Variants in SLC25A51 observed in about 807,000 individuals in gnomAD.
SLC25A51 encodes solute carrier family 25 member 51.
In SLC25A51, 11 loss-of-function variants were observed where a neutral mutation model predicts 19.1. The ratio of observed to expected loss-of-function variants is 0.58; its 90% CI spans 0.36 to 0.96. The LOEUF (loss-of-function observed/expected upper bound fraction) is 0.96. SLC25A51 is among the 40% of genes least tolerant of loss of function. The probability of loss-of-function intolerance (pLI) is 0.01; values close to 1 mark genes in which losing one functional copy is unlikely to be tolerated. For missense variants in SLC25A51, 201 were observed against 365.4 expected (o/e 0.55, Z 3.67); for synonymous variants, 105 against 133.6 (o/e 0.79, Z 1.47).
chr9:37,885,631 A>G, downstream of SLC25A51: 2 of 818,552 alleles, frequency 2.4e-6, no homozygotes, highest in Non-Finnish European at 4.3e-6. Context: ...ACGGCGCCCA[A>G]CGTGGGCCTC....
chr9:37,886,255 C>A (rs1831454865), downstream of SLC25A51: 1 of 1,611,792 alleles, frequency 6.2e-7, no homozygotes, highest in Non-Finnish European at 8.5e-7. Context: ...AGAATGTGAT[C>A]CGAGAATTTA....
intron 2 of SLC25A51, among the ~76,000 whole-genome samples, chr9:37,891,277 G>A (rs942762972): frequency 6.6e-6 from 1 of 152,232 alleles, no homozygotes; most frequent in African/African-American, 2.4e-5. Context: ...CGTCCGGGAG[G>A]TGGGAGGCGC....
downstream of SLC25A51, chr9:37,886,489 GC>G: frequency 1.5e-6 from 2 of 1,321,728 alleles, no homozygotes; most frequent in Non-Finnish European, 1.0e-6. Context: ...TTTCCCTTTG[GC>G]TGTGACTGGG....
At chr9:37,886,164 T>C (rs1384894882), downstream of SLC25A51, 4 of 1,456,110 alleles carry the variant, frequency 2.7e-6, no homozygotes, top group Non-Finnish European at 3.9e-6. Flanking sequence ...ACCCTGATCC[T>C]GTTCCAAGGT....
intron 1 of SLC25A51, among the ~76,000 whole-genome samples, chr9:37,902,182 C>T (rs989863711): frequency 5.3e-5 from 8 of 152,152 alleles, no homozygotes; most frequent in Non-Finnish European, 8.8e-5. Context: ...ACTTGAACAA[C>T]AATAAAAATT....
downstream of SLC25A51, among the ~76,000 whole-genome samples, chr9:37,877,836 T>C (rs554317599): frequency 2.0e-5 from 3 of 152,218 alleles, no homozygotes; most frequent in South Asian, 6.2e-4. Context: ...GGTGAAACCC[T>C]GTCTCTACAA....
At chr9:37,882,290 T>A (rs1427092526) in intron 2 of SLC25A51, among the ~76,000 whole-genome samples, 1 of 152,116 alleles carries the variant, frequency 6.6e-6, no homozygotes, top group Non-Finnish European at 1.5e-5. Context: ...TATGACTGCA[T>A]ACGCCTCACT....
intron 1 of SLC25A51, among the ~76,000 whole-genome samples, chr9:37,900,184 C>T (rs139190413): frequency 0.022 from 3,261 of 150,994 alleles, 66 homozygotes; most frequent in East Asian, 0.077. Flanking sequence ...TGGTGGCTCA[C>T]GCCTGTAATC....
chr9:37,878,250 C>A, downstream of SLC25A51: 1 of 172,616 alleles, frequency 5.8e-6, no homozygotes, highest in South Asian at 1.6e-4. Context: ...CAGTCAGAAT[C>A]ACCTGGAAGG....
chr9:37,895,970 T>C (rs1348334364), intron 2 of SLC25A51, among the ~76,000 whole-genome samples: 1 of 152,090 alleles, frequency 6.6e-6, no homozygotes, highest in East Asian at 1.9e-4. Context: ...TGTGCTGCCA[T>C]GCCCTGCTAA....
downstream of SLC25A51, chr9:37,879,248 T>C (rs900125960): frequency 4.8e-5 from 13 of 272,916 alleles, 1 homozygote; most frequent in Non-Finnish European, 9.3e-5. Context: ...TCAGTGATGT[T>C]TGGGAACACT....
chr9:37,885,739 G>A, downstream of SLC25A51: 2 of 1,459,528 alleles, frequency 1.4e-6, no homozygotes, highest in Non-Finnish European at 1.9e-6. Context: ...AAGAACCGCA[G>A]ATCCATCACT....
chr9:37,885,878 A>AC (rs112729066), downstream of SLC25A51: 205,694 of 1,563,594 alleles, frequency 0.13, 11,236 homozygotes, highest in African/African-American at 0.17. Context: ...TGACGTGCAA[A>AC]CCCCCCCCTC....
Position 37,888,391 on chromosome 9 carries a change from C to G in SLC25A51, c.160G>C (p.Val54Leu). The change falls in exon 3 of 3, where the codon GTC becomes CTC. Residue 54 changes from valine (V) to leucine (L), a missense_variant. By Grantham distance (32) the Val-to-Leu change is conservative. Coordinates refer to ENST00000242275, the MANE Select transcript of SLC25A51 (RefSeq NM_033412.4). Reference protein sequence around the residue: ...NVAITFPIQKVLFRQQLYGIK... With the variant: ...NVAITFPIQKLLFRQQLYGIK... ...CCATACAGCTGTTGTCGAAAGAGGA[C>G]CTTCTGAATGGGAAATGTGATTGCG... is the stretch of plus-strand genomic sequence containing the variant. 1 of 1,614,220 alleles carries G rather than the reference C, an allele frequency of 6.2e-7. No homozygotes were observed. The highest frequency in any genetic ancestry group is 8.5e-7 in the Non-Finnish European group (1 of 1,180,042).
downstream of SLC25A51, chr9:37,878,674 GA>G (rs1429473220): frequency 2.6e-5 from 4 of 154,738 alleles, no homozygotes; most frequent in African/African-American, 9.6e-5. Context: ...TTGATATGAA[GA>G]TTGAATTTGG....
chr9:37,885,479 C>A (rs894382752), downstream of SLC25A51, among the ~76,000 whole-genome samples: 2 of 151,656 alleles, frequency 1.3e-5, no homozygotes, highest in African/African-American at 4.9e-5. Flanking sequence ...TTATATTTGG[C>A]CAATTAAGAA....
chr9:37,900,413 C>T, intron 1 of SLC25A51, among the ~76,000 whole-genome samples: 1 of 151,328 alleles, frequency 6.6e-6, no homozygotes, highest in East Asian at 2.0e-4. Flanking sequence ...CACAGCACTG[C>T]ACTCCAGCCT....
downstream of SLC25A51, among the ~76,000 whole-genome samples, chr9:37,883,729 T>G (rs921756502): frequency 2.0e-5 from 3 of 152,236 alleles, no homozygotes; most frequent in African/African-American, 7.2e-5. Context: ...TCAAACTCAA[T>G]TCCCTTCAAA....
chr9:37,898,743 A>C (rs984618574), intron 2 of SLC25A51, among the ~76,000 whole-genome samples: 2 of 152,120 alleles, frequency 1.3e-5, no homozygotes, highest in African/African-American at 2.4e-5. Context: ...AATAAAATAA[A>C]AATGAATTTC....
Sources: allele counts gnomAD v4.1 joint callset (sites outside exome capture counted in the v4.1 genomes callset), GRCh38; gene constraint gnomAD v4.1.1; transcripts MANE v1.5; gene names NCBI Gene and HGNC (gene_info 2026-07-23, HGNC 2026-07-21).